Variants in WDPCP observed in about 807,000 individuals in gnomAD.
WDPCP encodes WD repeat-containing and planar cell polarity effector protein fritz homolog.
A neutral mutation model predicts 93.1 loss-of-function variants in WDPCP; 71 were observed. That is an observed-to-expected ratio of 0.76 (90% CI 0.63 to 0.93). The LOEUF is 0.93. Ranked by LOEUF, WDPCP falls within the 40% of genes least tolerant of loss-of-function variation. The pLI, the probability that WDPCP is intolerant of heterozygous loss-of-function variation, is 0.00. For synonymous variants in WDPCP, 315 were observed against 315.0 expected, an observed-to-expected ratio of 1.00 and a Z score of 0.00; for missense variants, 844 against 887.4, an observed-to-expected ratio of 0.95 and a Z score of 0.62.
chr2:63,558,817 G>A (rs1706347366), intron 1 of WDPCP, among the ~76,000 whole-genome samples: 1 of 152,066 alleles, frequency 6.6e-6, no homozygotes, highest in Non-Finnish European at 1.5e-5. Flanking sequence ...AAAACGCCAG[G>A]ACCAAATGAA....
intron 1 of WDPCP, among the ~76,000 whole-genome samples, chr2:63,569,547 G>A (rs1258948532): frequency 6.6e-6 from 1 of 152,174 alleles, no homozygotes; most frequent in African/African-American, 2.4e-5. Flanking sequence ...AAGACGGGAA[G>A]GTCCAAAGAT....
intron 14 of WDPCP, among the ~76,000 whole-genome samples, chr2:63,215,412 G>A (rs1403129329): frequency 3.3e-5 from 5 of 152,234 alleles, no homozygotes; most frequent in African/African-American, 7.2e-5. Context: ...CCGCATATCT[G>A]CAACCATCTG....
At chr2:63,672,653 AG>A (rs1465851426) in intron 2 of WDPCP, among the ~76,000 whole-genome samples, 1 of 151,566 alleles carries the variant, frequency 6.6e-6, no homozygotes, top group Admixed American at 6.6e-5. Flanking sequence ...TTTTTGAGAT[AG>A]GGTCTCACTC....
intron 13 of WDPCP, among the ~76,000 whole-genome samples, chr2:63,297,101 C>T (rs1406745794): frequency 6.6e-5 from 10 of 152,120 alleles, no homozygotes. Context: ...AAGAAGAGAC[C>T]CGGAGCCAGC....
chr2:63,680,197 T>C (rs262537), intron 2 of WDPCP, among the ~76,000 whole-genome samples: 31,629 of 152,186 alleles, frequency 0.21, 3,846 homozygotes, highest in Non-Finnish European at 0.28. Flanking sequence ...AAAAAAGCAT[T>C]GTCGTAAGAA....
chr2:63,438,714 C>T (rs1266593153), intron 7 of WDPCP, among the ~76,000 whole-genome samples: 1 of 152,032 alleles, frequency 6.6e-6, no homozygotes, highest in Non-Finnish European at 1.5e-5. Context: ...CTGCAGAGTT[C>T]TTTTCTTCAA....
intron 17 of WDPCP, among the ~76,000 whole-genome samples, chr2:63,125,568 TAGG>T (rs1669839347): frequency 6.6e-6 from 1 of 152,112 alleles, no homozygotes; most frequent in South Asian, 2.1e-4. Flanking sequence ...GCTGGGACTG[TAGG>T]GATACACTAC....
intron 14 of WDPCP, among the ~76,000 whole-genome samples, chr2:63,235,156 G>A (rs1490375548): frequency 6.6e-6 from 1 of 152,044 alleles, no homozygotes; most frequent in African/African-American, 2.4e-5. Flanking sequence ...AAGTGACAAA[G>A]GAGACATTAC....
intron 3 of WDPCP, among the ~76,000 whole-genome samples, chr2:63,601,466 AGAAAATTAC>A (rs1709417149): frequency 6.6e-6 from 1 of 152,252 alleles, no homozygotes; most frequent in African/African-American, 2.4e-5. Flanking sequence ...TTAGCTTGTA[AGAAAATTAC>A]TAGGGCTGGA....
At chr2:63,588,812 A>G (rs375805588), upstream of WDPCP, 516 of 604,002 alleles carry the variant, frequency 8.5e-4, 3 homozygotes, top group South Asian at 6.7e-3. Flanking sequence ...GAAGAGCTTG[A>G]AAAAAACCTC....
intron 1 of WDPCP, among the ~76,000 whole-genome samples, chr2:63,524,490 C>T (rs937890444): frequency 6.6e-6 from 1 of 152,160 alleles, no homozygotes; most frequent in Admixed American, 6.5e-5. Flanking sequence ...TCAACAAAAA[C>T]AAGCAATGGG....
intron 2 of WDPCP, among the ~76,000 whole-genome samples, chr2:63,708,333 C>T (rs1419954581): frequency 6.6e-6 from 1 of 152,212 alleles, no homozygotes; most frequent in African/African-American, 2.4e-5. Context: ...ATGGCGGGCC[C>T]CCCTCCCCCA....
intron 12 of WDPCP, among the ~76,000 whole-genome samples, chr2:63,348,374 T>C (rs1689341847): frequency 6.6e-6 from 1 of 152,182 alleles, no homozygotes; most frequent in African/African-American, 2.4e-5. Context: ...CAATGAAGAA[T>C]TAGTGAAGCA....
At chr2:63,575,342 A>G (rs1707854234) in intron 1 of WDPCP, among the ~76,000 whole-genome samples, 1 of 136,412 alleles carries the variant, frequency 7.3e-6, no homozygotes. Context: ...TATGGTATAT[A>G]CTGTATATGG....
Position 63,381,854 on chromosome 2 carries a change from T to C in WDPCP, c.1624+52A>G, listed in dbSNP as rs1479928401. 11 of 1,585,940 alleles carry C rather than the reference T, an allele frequency of 6.9e-6. No homozygotes were observed. The East Asian group carries it at 1.8e-4, about 26-fold the overall frequency. On this transcript the variant is annotated intron_variant, in intron 11 of 17. Coordinates refer to ENST00000272321, the MANE Select transcript of WDPCP (RefSeq NM_015910.7). ...AACCTCAAAAAATAACTCAATAAAA[T>C]CTATTTCATGTATATACAAAACTCA...
intron 1 of WDPCP, among the ~76,000 whole-genome samples, chr2:63,825,207 C>T (rs886552981): frequency 2.6e-5 from 4 of 152,064 alleles, no homozygotes; most frequent in Non-Finnish European, 4.4e-5. Context: ...TAATTTAATA[C>T]ATATCCTCAG....
intron 1 of WDPCP, among the ~76,000 whole-genome samples, chr2:63,534,404 CAAAAAAAGAGA>C (rs59267486): frequency 0.8 from 120,052 of 150,136 alleles, 48,588 homozygotes; most frequent in East Asian, 0.99. Flanking sequence ...AGAGACACAA[CAAAAAAAGAGA>C]ATTTTAGATC....
chr2:63,307,306 T>C (rs992362859), intron 13 of WDPCP, among the ~76,000 whole-genome samples: 1 of 152,152 alleles, frequency 6.6e-6, no homozygotes, highest in African/African-American at 2.4e-5. Context: ...AAAATGGCTA[T>C]ACTGCCCAAA....
chr2:63,179,054 A>C (rs544243604), intron 14 of WDPCP, among the ~76,000 whole-genome samples: 3 of 152,182 alleles, frequency 2.0e-5, no homozygotes, highest in South Asian at 2.1e-4. Context: ...TACAAAAATT[A>C]CCTAGGCGTG....
Sources: gnomAD v4.1 joint callset for allele counts (sites outside exome capture counted in the v4.1 genomes callset) on GRCh38, gnomAD v4.1.1 for gene constraint, MANE v1.5 for transcripts, NCBI Gene and HGNC (gene_info 2026-07-23, HGNC 2026-07-21) for gene names.